The following RIC8B variants were observed in gnomAD, a reference collection of about 807,000 sequenced individuals.
The protein encoded by RIC8B is RIC8 guanine nucleotide exchange factor B.
Under a neutral mutation model 57.5 loss-of-function variants are expected in RIC8B, and 16 were observed. The observed-to-expected ratio is 0.28, with a 90% CI of 0.19 to 0.42. The LOEUF (loss-of-function observed/expected upper bound fraction) is 0.42, where lower values mean the gene tolerates loss of function less well. Ranked by LOEUF, RIC8B falls within the 10% of genes least tolerant of loss-of-function variation. RIC8B has a pLI of 1.00. For missense variants in RIC8B, 481 were observed against 677.0 expected, an observed-to-expected ratio of 0.71 and a Z score of 3.21; for synonymous variants, 216 against 250.8, an observed-to-expected ratio of 0.86 and a Z score of 1.31.
At chr12:106,809,478 G>C (rs927900970) in intron 2 of RIC8B, among the ~76,000 whole-genome samples, 1 of 146,794 alleles carries the variant, frequency 6.8e-6, no homozygotes, top group African/African-American at 2.5e-5. Context: ...AGCCGAGATT[G>C]TGCCACTGCA....
chr12:106,855,394 A>T (rs946347942), intron 7 of RIC8B, among the ~76,000 whole-genome samples: 1 of 150,386 alleles, frequency 6.6e-6, no homozygotes. Flanking sequence ...ATCTCTATGC[A>T]TACTTATATC....
intron 4 of RIC8B, among the ~76,000 whole-genome samples, chr12:106,831,160 A>G (rs1429152250): frequency 6.6e-6 from 1 of 152,122 alleles, no homozygotes; most frequent in Non-Finnish European, 1.5e-5. Flanking sequence ...GTCTTAAAGC[A>G]CTCAACCCTA....
intron 2 of RIC8B, among the ~76,000 whole-genome samples, chr12:106,787,880 A>G (rs957954171): frequency 6.6e-6 from 1 of 152,092 alleles, no homozygotes; most frequent in Non-Finnish European, 1.5e-5. Flanking sequence ...TCCAAATCTC[A>G]TGTTCTCACA....
intron 7 of RIC8B, among the ~76,000 whole-genome samples, chr12:106,854,762 C>T (rs977562187): frequency 2.4e-4 from 36 of 151,974 alleles, no homozygotes; most frequent in African/African-American, 7.0e-4. Flanking sequence ...GCACTCCAGC[C>T]TGGTGACAGA....
rs368902301 is a variant in RIC8B at position 106,868,910 on chromosome 12, A to G, written c.1452-1913A>G. 5.5e-5 allele frequency among the ~76,000 whole-genome samples: 8 copies of G among 144,982 alleles called. No homozygotes were observed. The East Asian group carries it at 1.0e-3, about 18-fold the overall frequency. ...CGCTCTGTCACCCAAGCTTTTTTCA[A>G]AGTTTCTCAAGTGATTCTAATGTAC... On this transcript the variant is annotated intron_variant, in intron 8 of 9. Transcript: ENST00000392837.
chr12:106,777,406 G>T (rs1236497935), intron 1 of RIC8B, among the ~76,000 whole-genome samples: 1 of 152,140 alleles, frequency 6.6e-6, no homozygotes, highest in African/African-American at 2.4e-5. Flanking sequence ...AAAAAAAATA[G>T]TTGGGTACCA....
At chr12:106,851,246 A>G (rs569346054) in intron 6 of RIC8B, among the ~76,000 whole-genome samples, 52 of 152,106 alleles carry the variant, frequency 3.4e-4, no homozygotes, top group South Asian at 1.5e-3. Context: ...TGTTCAAATG[A>G]AACCTCATCA....
At chr12:106,778,840 CTG>C (rs1280629480) in intron 1 of RIC8B, among the ~76,000 whole-genome samples, 1 of 152,194 alleles carries the variant, frequency 6.6e-6, no homozygotes, top group African/African-American at 2.4e-5. Flanking sequence ...ATACCAGAAT[CTG>C]TGGATACCAA....
At chr12:106,817,181 A>G (rs1320926150) in intron 3 of RIC8B, among the ~76,000 whole-genome samples, 15 of 152,248 alleles carry the variant, frequency 9.9e-5, no homozygotes. Context: ...ATTGCTAGAC[A>G]TAATGCCCTG....
chr12:106,778,302 AG>A (rs1482352767), intron 1 of RIC8B, among the ~76,000 whole-genome samples: 1 of 152,200 alleles, frequency 6.6e-6, no homozygotes, highest in East Asian at 1.9e-4. Flanking sequence ...CTCATTTCCA[AG>A]CCTTCTTGCT....
At chr12:106,818,524 G>C (rs1397079601) in intron 3 of RIC8B, among the ~76,000 whole-genome samples, 1 of 152,074 alleles carries the variant, frequency 6.6e-6, no homozygotes, top group Non-Finnish European at 1.5e-5. Flanking sequence ...GCAGTGGTGT[G>C]ATCATAGCTC....
At chr12:106,882,272 A>G (rs1010568388) in intron 9 of RIC8B, among the ~76,000 whole-genome samples, 5 of 152,102 alleles carry the variant, frequency 3.3e-5, no homozygotes, top group Non-Finnish European at 7.4e-5. Context: ...CCTCATCACA[A>G]CTTAGTGTGA....
intron 2 of RIC8B, among the ~76,000 whole-genome samples, chr12:106,813,587 A>G (rs1202902769): frequency 1.3e-5 from 2 of 152,180 alleles, no homozygotes; most frequent in Non-Finnish European, 2.9e-5. Flanking sequence ...AGGGATGACT[A>G]CATTTAAAAT....
intron 7 of RIC8B, among the ~76,000 whole-genome samples, chr12:106,858,933 G>A (rs12297593): frequency 0.025 from 3,732 of 151,972 alleles, 155 homozygotes; most frequent in African/African-American, 0.085. Flanking sequence ...TTTATACTCT[G>A]ATCATATATA....
intron 3 of RIC8B, 63 bp downstream of exon 3, chr12:106,815,367 T>A: frequency 6.7e-7 from 1 of 1,493,292 alleles, no homozygotes. Flanking sequence ...ATCCCTAGAG[T>A]TTCCTGCAAG....
At chr12:106,775,673 T>C (rs2043440597) in intron 1 of RIC8B, among the ~76,000 whole-genome samples, 1 of 152,244 alleles carries the variant, frequency 6.6e-6, no homozygotes. Context: ...CAGTCACTTC[T>C]CAGAACCTCT....
intron 6 of RIC8B, among the ~76,000 whole-genome samples, chr12:106,850,163 G>C (rs1438841925): frequency 6.6e-6 from 1 of 152,206 alleles, no homozygotes; most frequent in Non-Finnish European, 1.5e-5. Context: ...CTGATGATCT[G>C]AGGTGGAACA....
At chr12:106,804,619 A>G (rs1220909646) in intron 2 of RIC8B, among the ~76,000 whole-genome samples, 1 of 152,244 alleles carries the variant, frequency 6.6e-6, no homozygotes, top group Non-Finnish European at 1.5e-5. Context: ...GTTTGGAAAT[A>G]ATATTCTATA....
intron 2 of RIC8B, 71 bp downstream of exon 2, chr12:106,784,115 G>A (rs780778212): frequency 1.1e-4 from 154 of 1,373,488 alleles, no homozygotes; most frequent in Admixed American, 1.8e-4. Context: ...CTAAGCAGTG[G>A]TCATGTTTTC....
Sources: allele counts gnomAD v4.1 joint callset (sites outside exome capture counted in the v4.1 genomes callset), GRCh38; gene constraint gnomAD v4.1.1; transcripts MANE v1.5; gene names NCBI Gene and HGNC (gene_info 2026-07-23, HGNC 2026-07-21).